The following PPL variants were observed in gnomAD, a reference collection of about 807,000 sequenced individuals.
The protein encoded by PPL is periplakin, also known as 190 kDa paraneoplastic pemphigus antigen.
Under a neutral mutation model 194.4 loss-of-function variants are expected in PPL, and 198 were observed. The observed-to-expected ratio is 1.02, with a 90% CI of 0.91 to 1.15. PPL has a LOEUF of 1.15. PPL is among the 50% of genes most tolerant of loss of function. The pLI, the probability that PPL is intolerant of heterozygous loss-of-function variation, is 0.00. For missense variants in PPL, 2,885 were observed against 2,294.8 expected (o/e 1.26, Z -5.25); for synonymous variants, 1,220 against 972.4 (o/e 1.25, Z -4.74).
At chr16:4,916,282 G>A (rs913221753) in intron 1 of PPL, among the ~76,000 whole-genome samples, 3 of 148,222 alleles carry the variant, frequency 2.0e-5, no homozygotes, top group African/African-American at 5.0e-5. Context: ...GCATGATCTC[G>A]GCTCACTCAG....
chr16:4,927,603 A>G (rs1002253179), intron 1 of PPL, among the ~76,000 whole-genome samples: 2 of 152,234 alleles, frequency 1.3e-5, no homozygotes, highest in Admixed American at 6.5e-5. Flanking sequence ...TGAATACCAG[A>G]TTGATTGGTC....
At position 4,910,894 on chromosome 16, in the gene PPL, G is replaced by A. The variant is rs765053809; in HGVS notation, c.118C>T (p.Gln40Ter). The A allele has an allele frequency of 1.2e-6, 2 of 1,613,732 alleles. No individual in the cohort carries two copies. Among genetic ancestry groups the A allele is most frequent in the Admixed American group, 3.3e-5 (2 of 59,994 alleles). Residue 40 changes from glutamine to a stop codon, truncating the protein, a stop_gained, in exon 2 of 22, where the codon CAG (glutamine) becomes TAG (stop). Transcript: ENST00000345988. LOFTEE classifies it high-confidence loss of function. ...LIEQLQKNADQVEKNIVDTEA... is the reference protein window; with the variant it reads ...LIEQLQKNAD The stretch of plus-strand genomic sequence containing the variant: ...GTGTCCACGATGTTCTTCTCCACCT[G>A]GTCGGCATTCTTCTGCAGCTGCTCG...
rs966102722 is a variant in PPL at position 4,893,582 on chromosome 16, A to G, written c.1451T>C (p.Leu484Pro). 2.9e-5 allele frequency: 47 copies of G among 1,611,694 alleles called. No homozygotes were observed. The highest frequency in any genetic ancestry group is 3.9e-5 in the Non-Finnish European group (46 of 1,179,704). Residue 484 changes from leucine (L) to proline (P), a missense_variant, in exon 13 of 22, where the codon CTG becomes CCG. By Grantham distance (98) the Leu-to-Pro change is moderately conservative. Transcript: ENST00000345988. ...CTTCAGCACCTCATACCGCTGCTGCAGCGTGCGTTTGCTCCCAGCTGCCTT... is the reference window on the plus strand; with the variant it reads ...CTTCAGCACCTCATACCGCTGCTGCGGCGTGCGTTTGCTCCCAGCTGCCTT... Reference protein sequence around the residue: ...RQKAAGSKRTLQQRYEVLKTE... With the variant: ...RQKAAGSKRTPQQRYEVLKTE...
chr16:4,928,542 A>T (rs933667826), intron 1 of PPL, among the ~76,000 whole-genome samples: 39 of 152,196 alleles, frequency 2.6e-4, no homozygotes, highest in African/African-American at 8.4e-4. Flanking sequence ...AACTTGCAGA[A>T]TTTTTTGCTG....
chr16:4,931,514 G>A (rs760176160), intron 1 of PPL, among the ~76,000 whole-genome samples: 22 of 152,210 alleles, frequency 1.4e-4, no homozygotes, highest in Non-Finnish European at 3.2e-4. Flanking sequence ...CAACCCATCA[G>A]AAGCCGGGAG....
Position 4,902,815 on chromosome 16 carries a change from G to A in PPL, c.318-289C>T, listed in dbSNP as rs1210564567. ...AGCAATTCTCCTGCCTCAACCTCCC[G>A]AGTAGCTGGGATTACAGGCATGTGC... On this transcript the variant is annotated intron_variant, in intron 3 of 21. Transcript: ENST00000345988. The surrounding 1 kb of genome is among the most constrained non-coding windows in gnomAD (Gnocchi z 4.0). Among the ~76,000 whole-genome samples, 2 of 151,936 alleles carry A rather than the reference G, an allele frequency of 1.3e-5. No homozygotes were observed. The highest frequency in any genetic ancestry group is 2.1e-4 in the South Asian group (1 of 4,814).
At chr16:4,891,506 T>A in intron 16 of PPL, 4 of 229,784 alleles carry the variant, frequency 1.7e-5, no homozygotes, top group East Asian at 7.8e-5. Context: ...GGACTTAAAC[T>A]CCAAGGCTCA....
chr16:4,891,044 G>T, intron 16 of PPL, 123 bp from the exon 17 acceptor site: 1 of 810,594 alleles, frequency 1.2e-6, no homozygotes, highest in Non-Finnish European at 1.9e-6. Flanking sequence ...AGGTAGGAAG[G>T]ACCGGAGCCT....
chr16:4,936,493 G>A lies in PPL; in HGVS notation c.62+491C>T, dbSNP rs374545780. Among the ~76,000 whole-genome samples the A allele has an allele frequency of 1.5e-4, 23 of 152,138 alleles. No individual in the cohort carries two copies. The East Asian group carries it at 3.7e-3, about 24-fold the overall frequency. ...CACTTGCGCGGTCTCAGAGGCGCTG[G>A]AGAGCGCCCCCCGACGCCAGCTCAG... On this transcript the variant is annotated intron_variant, in intron 1 of 21. Coordinates refer to ENST00000345988, the MANE Select transcript of PPL (RefSeq NM_002705.5).
chr16:4,893,051 C>G (rs2088349456), intron 14 of PPL, 162 bp downstream of exon 14: 2 of 897,852 alleles, frequency 2.2e-6, no homozygotes, highest in South Asian at 4.4e-5. Context: ...GCAGCCCTGC[C>G]ACCTCCATGA....
In PPL at chr16:4,885,395, T is replaced by C. The variant is rs764287542; in HGVS notation, c.3260A>G (p.Gln1087Arg). The C allele has an allele frequency of 5.6e-6, 9 of 1,612,824 alleles. No homozygotes were observed. Among genetic ancestry groups the C allele is most frequent in the African/African-American group, 5.3e-5 (4 of 74,892 alleles). ...HQRQDQLREK[Q>R]EEELSFLQDK... ...CTGGAGGAAGCTCAGCTCCTCCTCC[T>C]GCTTCTCCCTGAGCTGGTCCTGGCG... The change falls in exon 22 of 22, where the codon CAG becomes CGG. Residue 1087 changes from glutamine (Q) to arginine (R), a missense_variant. By Grantham distance (43) the Gln-to-Arg change is conservative. Transcript: ENST00000345988. The surrounding 1 kb of genome is among the most constrained non-coding windows in gnomAD (Gnocchi z 6.3).
chr16:4,888,835 C>T (rs2088260416), intron 19 of PPL, 143 bp downstream of exon 19: 2 of 764,844 alleles, frequency 2.6e-6, no homozygotes, highest in South Asian at 1.6e-5. Context: ...AAGCCTGTGC[C>T]AGTTTGCACA....
At chr16:4,910,349 T>G (rs75417614) in intron 2 of PPL, among the ~76,000 whole-genome samples, 3 of 152,196 alleles carry the variant, frequency 2.0e-5, no homozygotes, top group African/African-American at 7.2e-5. Flanking sequence ...ATTTAATCTT[T>G]ACAACCACCC....
Position 4,912,938 on chromosome 16 carries a change from T to C in PPL, c.63-1989A>G, listed in dbSNP as rs990479752. ...GGCCAACATGGTGAAACCCCATCTC[T>C]ACTAAAAATACAAAAATTAGCTAGG... is the stretch of plus-strand genomic sequence containing the variant. On this transcript the variant is annotated intron_variant, in intron 1 of 21. Coordinates refer to ENST00000345988, the MANE Select transcript of PPL (RefSeq NM_002705.5). 5.9e-5 allele frequency among the ~76,000 whole-genome samples: 9 copies of C among 152,172 alleles called. No individual in the cohort carries two copies. In the South Asian group the frequency reaches 1.2e-3, roughly 21 times the overall value.
At chr16:4,912,624 C>A (rs768639919) in intron 1 of PPL, among the ~76,000 whole-genome samples, 5 of 152,248 alleles carry the variant, frequency 3.3e-5, no homozygotes, top group Non-Finnish European at 5.9e-5. Flanking sequence ...TAACTTCTCT[C>A]CCCATTTTAA....
chr16:4,924,097 G>A (rs2089108696), intron 1 of PPL, among the ~76,000 whole-genome samples: 1 of 152,188 alleles, frequency 6.6e-6, no homozygotes, highest in African/African-American at 2.4e-5. Context: ...CAGGTATTAA[G>A]TTGCTTTGTA....
At chr16:4,888,366 C>A in intron 19 of PPL, 148 bp from the exon 20 acceptor site, 1 of 606,288 alleles carries the variant, frequency 1.6e-6, no homozygotes, top group East Asian at 2.8e-5. Context: ...CAGCTGCACC[C>A]TGCAGTGATT....
chr16:4,899,895 G>A (rs557448802), intron 6 of PPL, among the ~76,000 whole-genome samples: 1 of 152,204 alleles, frequency 6.6e-6, no homozygotes. Flanking sequence ...GGGTGTGCAA[G>A]GGAAAGGAGG....
chr16:4,934,821 G>C (rs1043503901), intron 1 of PPL, among the ~76,000 whole-genome samples: 1 of 152,084 alleles, frequency 6.6e-6, no homozygotes. Flanking sequence ...GAGAGGATGG[G>C]GTACAGGGCT....
Sources: allele counts gnomAD v4.1 joint callset (sites outside exome capture counted in the v4.1 genomes callset), GRCh38; gene constraint gnomAD v4.1.1; non-coding constraint Gnocchi (gnomAD v3.1); transcripts MANE v1.5; gene names NCBI Gene and HGNC (gene_info 2026-07-23, HGNC 2026-07-21).